ARVCF: variants seen among roughly 807,000 people sequenced by gnomAD.
The protein encoded by ARVCF is ARVCF delta catenin family member.
In ARVCF, 66 loss-of-function variants were observed where a neutral mutation model predicts 90.9. The observed-to-expected ratio is 0.73, with a 90% CI of 0.60 to 0.89. ARVCF has a LOEUF of 0.89. Ranked by LOEUF, ARVCF falls within the 40% of genes least tolerant of loss-of-function variation. ARVCF has a pLI of 0.00. For missense variants in ARVCF, 1,469 were observed against 1,382.3 expected, an observed-to-expected ratio of 1.06 and a Z score of -1.00; for synonymous variants, 653 against 603.4, an observed-to-expected ratio of 1.08 and a Z score of -1.21.
intron 18 of ARVCF, among the ~76,000 whole-genome samples, chr22:19,971,676 C>T (rs535316043): frequency 1.0e-3 from 159 of 152,264 alleles, no homozygotes; most frequent in Non-Finnish European, 1.8e-3. Flanking sequence ...AGGGTGTGGC[C>T]GGGCAGTGTT....
downstream of ARVCF, chr22:19,969,790 C>T (rs1213999143): frequency 2.1e-6 from 2 of 965,460 alleles, no homozygotes; most frequent in Non-Finnish European, 2.5e-6. Flanking sequence ...AGCAGATGGG[C>T]ACCTGGGACC....
chr22:20,016,074 C>G (rs1229069518), intron 1 of ARVCF, among the ~76,000 whole-genome samples: 1 of 152,136 alleles, frequency 6.6e-6, no homozygotes, highest in African/African-American at 2.4e-5. Context: ...CGCGCCCTCT[C>G]TCACCCCCGA....
At chr22:19,996,636 C>T (rs1465180338) in intron 2 of ARVCF, among the ~76,000 whole-genome samples, 1 of 152,216 alleles carries the variant, frequency 6.6e-6, no homozygotes, top group Non-Finnish European at 1.5e-5. Flanking sequence ...TCATAGGCTG[C>T]TCCAGAGCCC....
downstream of ARVCF, chr22:19,968,773 A>C (rs773725345): frequency 2.7e-5 from 43 of 1,586,816 alleles, no homozygotes; most frequent in Middle Eastern, 2.0e-4. Context: ...TCTCTCACCC[A>C]GCCTGGTACT....
rs1418961090 is a variant in ARVCF, at chr22:19,970,363, G to A, written c.*393C>T. Reference sequence around the variant, plus strand: ...CCCTGCCTAGCTGCCTGCCCCTGGCGCCAGACCTGGCCCGCACCACTGGGG... The same window carrying A: ...CCCTGCCTAGCTGCCTGCCCCTGGCACCAGACCTGGCCCGCACCACTGGGG... On this transcript the variant is annotated 3_prime_UTR_variant, in exon 20 of 20. Transcript: ENST00000263207. 21 of 1,001,606 alleles carry A rather than the reference G, an allele frequency of 2.1e-5. No homozygotes were observed. Among genetic ancestry groups the A allele is most frequent in the South Asian group, 4.1e-5 (1 of 24,628 alleles). 62.0% of individuals were successfully genotyped at this position (1,001,606 alleles called of 1,614,324 possible). A position where few individuals can be genotyped will look rare whatever the true frequency, so the allele number is the denominator to read the frequency against.
chr22:20,006,578 CA>C (rs34035926), intron 2 of ARVCF, among the ~76,000 whole-genome samples: 96,533 of 137,286 alleles, frequency 0.7, 33,398 homozygotes, highest in Non-Finnish European at 0.79. Context: ...GACTCTGTCT[CA>C]AAAAAAAAAA....
intron 2 of ARVCF, among the ~76,000 whole-genome samples, chr22:20,004,566 A>C (rs1352019598): frequency 2.0e-5 from 3 of 152,194 alleles, no homozygotes; most frequent in Non-Finnish European, 4.4e-5. Flanking sequence ...ATTTATATCG[A>C]TCTTTAAGGA....
At chr22:19,975,982 C>A (rs1054104951) in intron 10 of ARVCF, among the ~76,000 whole-genome samples, 6 of 152,012 alleles carry the variant, frequency 3.9e-5, no homozygotes, top group Non-Finnish European at 8.8e-5. Flanking sequence ...AGCCCTGCCC[C>A]TAGGACTCAT....
intron 10 of ARVCF, among the ~76,000 whole-genome samples, chr22:19,976,285 A>C (rs1180274522): frequency 6.6e-6 from 1 of 152,130 alleles, no homozygotes; most frequent in East Asian, 1.9e-4. Flanking sequence ...CGTCTGTGAC[A>C]GTGAGCCCAC....
chr22:20,000,302 C>T (rs1484262515), intron 2 of ARVCF, among the ~76,000 whole-genome samples: 1 of 152,262 alleles, frequency 6.6e-6, no homozygotes, highest in Admixed American at 6.5e-5. Context: ...GAGCTGGATG[C>T]TGGCCTTGCC....
chr22:20,015,495 A>G (rs1945027085), intron 1 of ARVCF, among the ~76,000 whole-genome samples: 1 of 152,194 alleles, frequency 6.6e-6, no homozygotes, highest in African/African-American at 2.4e-5. Flanking sequence ...CAATAGAGTG[A>G]GTACAAGATA....
At position 19,979,852 on chromosome 22, in the gene ARVCF, A is replaced by G. The variant is rs1245649880; in HGVS notation, c.1287T>C (p.Tyr429=). 1 of 1,609,228 alleles carries G rather than the reference A, an allele frequency of 6.2e-7. No homozygotes were observed. The highest frequency in any genetic ancestry group is 8.5e-7 in the Non-Finnish European group (1 of 1,178,762). Residue 429 remains tyrosine, a synonymous_variant, in exon 6 of 20, where the codon TAT becomes TAC. Transcript: ENST00000263207. The part of the protein sequence containing the change: ...RACGALRNLS[Y]GRDTDNKAAI... ...CGGCCTTGTTGTCAGTGTCGCGGCCATAGGAGAGGTTGCGCAGTGCCCCAC... is the reference window on the plus strand; with the variant it reads ...CGGCCTTGTTGTCAGTGTCGCGGCCGTAGGAGAGGTTGCGCAGTGCCCCAC...
intron 1 of ARVCF, among the ~76,000 whole-genome samples, chr22:20,011,856 T>C (rs929399212): frequency 1.3e-5 from 2 of 151,848 alleles, no homozygotes; most frequent in African/African-American, 4.8e-5. Flanking sequence ...GAGAACCATG[T>C]GACTTTTTTT....
chr22:20,002,247 G>A (rs891110729), intron 2 of ARVCF, among the ~76,000 whole-genome samples: 3 of 152,188 alleles, frequency 2.0e-5, no homozygotes, highest in African/African-American at 4.8e-5. Context: ...TCCTAAATGC[G>A]CTGTGTCCAC....
chr22:19,973,528 C>A, intron 13 of ARVCF, 115 bp downstream of exon 13: 1 of 1,486,110 alleles, frequency 6.7e-7, no homozygotes, highest in Non-Finnish European at 9.0e-7. Context: ...AGCGCCCAAG[C>A]GAGAGGGCCG....
At chr22:19,989,674 G>A (rs953436218) in intron 3 of ARVCF, among the ~76,000 whole-genome samples, 2 of 152,184 alleles carry the variant, frequency 1.3e-5, no homozygotes, top group Non-Finnish European at 2.9e-5. Context: ...ATGCTGGGGG[G>A]AGGTCTGGCT....
rs754299920 is a variant in ARVCF, at chr22:19,978,095, C to T, written c.1581-20G>A. 8 of 1,579,242 alleles carry T rather than the reference C, an allele frequency of 5.1e-6. No individual in the cohort carries two copies. Among genetic ancestry groups the T allele is most frequent in the Non-Finnish European group, 6.0e-6 (7 of 1,162,682 alleles). ...ACATTCCTGTGTGGCCAAGAGCAGG[C>T]CAGGTGACCCCTGGCTACCAGAAAC... is the stretch of plus-strand genomic sequence containing the variant. On this transcript the variant is annotated intron_variant, in intron 7 of 19. Coordinates refer to ENST00000263207, the MANE Select transcript of ARVCF (RefSeq NM_001670.3).
rs757682851 is a variant in ARVCF at position 19,982,051 on chromosome 22, G to A, written c.251C>T (p.Pro84Leu). The change falls in exon 4 of 20, where the codon CCG becomes CTG. Residue 84 changes from proline to leucine, a missense_variant. Physicochemically the swap from Pro to Leu is moderately conservative, Grantham distance 98. Transcript: ENST00000263207. ...CTCCTCCAGCACATCAGGTGCCTCCGGCATCGTGGCCAGTGAGGCCTGGCT... is the reference window on the plus strand; with the variant it reads ...CTCCTCCAGCACATCAGGTGCCTCCAGCATCGTGGCCAGTGAGGCCTGGCT... ...PGSQASLATMPEAPDVLEETV... is the reference protein window; with the variant it reads ...PGSQASLATMLEAPDVLEETV... 1.5e-5 allele frequency: 24 copies of A among 1,612,684 alleles called. No individual in the cohort carries two copies. The highest frequency in any genetic ancestry group is 6.7e-5 in the African/African-American group (5 of 75,048).
chr22:19,969,000 G>A (rs1942593681), downstream of ARVCF: 1 of 359,234 alleles, frequency 2.8e-6, no homozygotes, highest in Admixed American at 4.2e-5. Context: ...ATATAAAATA[G>A]AAATTAAGAA....
Sources: gnomAD v4.1 joint callset for allele counts (sites outside exome capture counted in the v4.1 genomes callset) on GRCh38, gnomAD v4.1.1 for gene constraint, MANE v1.5 for transcripts, NCBI Gene and HGNC (gene_info 2026-07-23, HGNC 2026-07-21) for gene names.